LDB2: variants seen among roughly 807,000 people sequenced by gnomAD.
The protein encoded by LDB2 is LIM domain binding 2.
A neutral mutation model predicts 44.3 loss-of-function variants in LDB2; 12 were observed. That is an observed-to-expected ratio of 0.27 (90% CI 0.17 to 0.44). The LOEUF (loss-of-function observed/expected upper bound fraction) is 0.44. Ranked by LOEUF, LDB2 falls within the 20% of genes least tolerant of loss-of-function variation. The pLI, the probability that LDB2 is intolerant of heterozygous loss-of-function variation, is 1.00. For missense variants in LDB2, 344 were observed against 473.5 expected, an observed-to-expected ratio of 0.73 and a Z score of 2.54; for synonymous variants, 164 against 174.8, an observed-to-expected ratio of 0.94 and a Z score of 0.49.
At chr4:16,690,424 T>A (rs1237195707) in intron 2 of LDB2, among the ~76,000 whole-genome samples, 1 of 145,022 alleles carries the variant, frequency 6.9e-6, no homozygotes. Context: ...ATCACACCAC[T>A]GCACTCCAGC....
chr4:16,897,946 GT>G (rs1725748074), intron 1 of LDB2, among the ~76,000 whole-genome samples: 4 of 27,950 alleles, frequency 1.4e-4, no homozygotes, highest in African/African-American at 4.5e-4. Context: ...ATACACATAT[GT>G]ATATATATAT....
At chr4:16,871,118 C>T (rs1211056690) in intron 1 of LDB2, among the ~76,000 whole-genome samples, 1 of 152,166 alleles carries the variant, frequency 6.6e-6, no homozygotes, top group African/African-American at 2.4e-5. Context: ...ATACTGAAAG[C>T]AAAGGTAATA....
chr4:16,579,345 A>C (rs1255449062), intron 5 of LDB2, among the ~76,000 whole-genome samples: 1 of 152,312 alleles, frequency 6.6e-6, no homozygotes, highest in East Asian at 1.9e-4. Context: ...AACAAAACAC[A>C]AAAGAAGCAT....
chr4:16,670,997 C>T (rs1476640112), intron 2 of LDB2, among the ~76,000 whole-genome samples: 1 of 151,878 alleles, frequency 6.6e-6, no homozygotes, highest in Non-Finnish European at 1.5e-5. Flanking sequence ...GTGTGGGGAA[C>T]TGTAGAACCC....
intron 7 of LDB2, 33 bp downstream of exon 7, chr4:16,508,502 G>T: frequency 6.7e-7 from 1 of 1,501,642 alleles, no homozygotes; most frequent in Non-Finnish European, 9.0e-7. Flanking sequence ...CAGACAGTTA[G>T]GATTTCGGGC....
At chr4:16,665,409 G>T (rs1012185842) in intron 2 of LDB2, among the ~76,000 whole-genome samples, 23 of 151,888 alleles carry the variant, frequency 1.5e-4, no homozygotes, top group Admixed American at 6.6e-5. Flanking sequence ...GGGACTACAG[G>T]TGTGTCCCAC....
In LDB2 at chr4:16,533,544, C is replaced by T. The variant is rs1432149876; in HGVS notation, c.616-21440G>A. 6.6e-6 allele frequency among the ~76,000 whole-genome samples: 1 copy of T among 152,130 alleles called. No homozygotes were observed. Among genetic ancestry groups the T allele is most frequent in the South Asian group, 2.1e-4 (1 of 4,826 alleles). ...TGAAATTGTATCCTGGATGGTGTGT[C>T]CCTGCATTTGACTCTGAACATGGTT... On this transcript the variant is annotated intron_variant, in intron 5 of 7. Coordinates refer to ENST00000304523, the MANE Select transcript of LDB2 (RefSeq NM_001290.5). This position sits in a 1 kb window ranked among gnomAD's most constrained non-coding sequence, Gnocchi z 4.1.
intron 1 of LDB2, among the ~76,000 whole-genome samples, chr4:16,833,725 T>C (rs992474953): frequency 1.1e-4 from 17 of 152,154 alleles, no homozygotes; most frequent in African/African-American, 3.1e-4. Context: ...GTATTTTTAG[T>C]AGAGATGGGG....
intron 5 of LDB2, among the ~76,000 whole-genome samples, chr4:16,547,283 C>G (rs1184169609): frequency 6.6e-6 from 1 of 152,176 alleles, no homozygotes; most frequent in Non-Finnish European, 1.5e-5. Context: ...AAGAGGATTT[C>G]TTAGACCTTC....
chr4:16,882,313 T>C (rs564133591), intron 1 of LDB2, among the ~76,000 whole-genome samples: 39 of 152,370 alleles, frequency 2.6e-4, no homozygotes, highest in Non-Finnish European at 5.1e-4. Context: ...GGTGCCACCA[T>C]GAATGCTACT....
chr4:16,543,753 A>G (rs1734713006), intron 5 of LDB2, among the ~76,000 whole-genome samples: 1 of 152,094 alleles, frequency 6.6e-6, no homozygotes, highest in Non-Finnish European at 1.5e-5. Context: ...CAAAAGCCAA[A>G]ATTGACAAAT....
At chr4:16,602,856 A>C (rs1722933898) in intron 2 of LDB2, among the ~76,000 whole-genome samples, 1 of 152,104 alleles carries the variant, frequency 6.6e-6, no homozygotes, top group Non-Finnish European at 1.5e-5. Context: ...TTAATTCACC[A>C]ATTAAGGGCA....
intron 5 of LDB2, among the ~76,000 whole-genome samples, chr4:16,515,958 G>T (rs1017813455): frequency 3.0e-4 from 46 of 152,072 alleles, no homozygotes; most frequent in African/African-American, 1.1e-3. Context: ...CTGCCTCCTG[G>T]GTTCACACCA....
At chr4:16,873,960 G>A (rs1297223475) in intron 1 of LDB2, among the ~76,000 whole-genome samples, 1 of 152,094 alleles carries the variant, frequency 6.6e-6, no homozygotes, top group Non-Finnish European at 1.5e-5. Context: ...TGTTTTTGAG[G>A]CTCGTCCACG....
At chr4:16,518,273 C>T (rs1327982496) in intron 5 of LDB2, among the ~76,000 whole-genome samples, 4 of 152,088 alleles carry the variant, frequency 2.6e-5, no homozygotes, top group Non-Finnish European at 5.9e-5. Flanking sequence ...ATCTCATTGC[C>T]CGAATCTCAG....
intron 1 of LDB2, among the ~76,000 whole-genome samples, chr4:16,775,356 G>A (rs1345727004): frequency 6.6e-6 from 1 of 152,130 alleles, no homozygotes; most frequent in African/African-American, 2.4e-5. Context: ...ACACCTTGCT[G>A]CCAGAGGACC....
intron 1 of LDB2, among the ~76,000 whole-genome samples, chr4:16,792,816 G>A (rs1342559161): frequency 6.6e-6 from 1 of 152,206 alleles, no homozygotes; most frequent in Non-Finnish European, 1.5e-5. Context: ...CAAGAGGAAG[G>A]AGGAAGGAAC....
intron 2 of LDB2, among the ~76,000 whole-genome samples, chr4:16,689,675 G>C (rs1348404946): frequency 1.3e-5 from 2 of 152,152 alleles, no homozygotes; most frequent in Non-Finnish European, 2.9e-5. Context: ...CCTCCATGTA[G>C]AGCCAGTCTG....
chr4:16,773,007 G>A (rs1771042842), intron 1 of LDB2, among the ~76,000 whole-genome samples: 1 of 152,220 alleles, frequency 6.6e-6, no homozygotes, highest in Admixed American at 6.5e-5. Context: ...GTGAGGTTGA[G>A]AAGAATTATT....
Sources: gnomAD v4.1 joint callset for allele counts (sites outside exome capture counted in the v4.1 genomes callset) on GRCh38, gnomAD v4.1.1 for gene constraint, Gnocchi (gnomAD v3.1) non-coding constraint, MANE v1.5 for transcripts, NCBI Gene and HGNC (gene_info 2026-07-23, HGNC 2026-07-21) for gene names.